KCNIP4: variants seen among roughly 807,000 people sequenced by gnomAD.
KCNIP4 encodes the protein Kv channel-interacting protein 4.
Under a neutral mutation model 34.0 loss-of-function variants are expected in KCNIP4, and 12 were observed. The observed-to-expected ratio is 0.35, with a 90% CI of 0.23 to 0.57. The LOEUF (loss-of-function observed/expected upper bound fraction) is 0.57, where lower values mean the gene tolerates loss of function less well. Among genes scored for constraint, KCNIP4 ranks in the 20% least tolerant of loss-of-function variants. KCNIP4 has a pLI of 0.83. For synonymous variants in KCNIP4, 124 were observed against 102.2 expected, an observed-to-expected ratio of 1.21 and a Z score of -1.29; for missense variants, 238 against 311.7, an observed-to-expected ratio of 0.76 and a Z score of 1.78.
intron 3 of KCNIP4, among the ~76,000 whole-genome samples, chr4:20,769,047 A>G (rs1755648740): frequency 6.7e-6 from 1 of 149,748 alleles, no homozygotes; most frequent in South Asian, 2.2e-4. Flanking sequence ...CATATGGAAG[A>G]AGGAAATCAC....
intron 1 of KCNIP4, among the ~76,000 whole-genome samples, chr4:20,984,398 C>T (rs1447936990): frequency 2.0e-5 from 3 of 152,168 alleles, no homozygotes; most frequent in East Asian, 3.9e-4. Context: ...GCGAATGGCC[C>T]CTTTTTGCCA....
chr4:21,739,407 T>C (rs1210095363), intron 1 of KCNIP4, among the ~76,000 whole-genome samples: 2 of 152,104 alleles, frequency 1.3e-5, no homozygotes, highest in African/African-American at 2.4e-5. Context: ...ATTGAATCTA[T>C]GTTTCAAAAA....
At chr4:20,810,257 C>CT (rs1560482203) in intron 3 of KCNIP4, among the ~76,000 whole-genome samples, 2 of 152,172 alleles carry the variant, frequency 1.3e-5, no homozygotes, top group Admixed American at 6.5e-5. Flanking sequence ...TTGGACCAGT[C>CT]TTTTTGTCCT....
intron 1 of KCNIP4, among the ~76,000 whole-genome samples, chr4:21,816,781 A>C (rs912713462): frequency 6.6e-6 from 1 of 152,124 alleles, no homozygotes; most frequent in African/African-American, 2.4e-5. Context: ...TGACTTTTAA[A>C]TCAGGTAGCA....
intron 1 of KCNIP4, among the ~76,000 whole-genome samples, chr4:21,733,772 C>T (rs1715785626): frequency 6.6e-6 from 1 of 152,114 alleles, no homozygotes; most frequent in Non-Finnish European, 1.5e-5. Flanking sequence ...ATAGCAGTAT[C>T]TTAAAATGGG....
chr4:21,808,293 C>G (rs2323112), intron 1 of KCNIP4, among the ~76,000 whole-genome samples: 1 of 152,230 alleles, frequency 6.6e-6, no homozygotes, highest in South Asian at 2.1e-4. Flanking sequence ...GATTTTCTTC[C>G]TCTTCTGCCA....
intron 1 of KCNIP4, among the ~76,000 whole-genome samples, chr4:21,772,515 G>C (rs927895284): frequency 2.2e-4 from 34 of 152,102 alleles, no homozygotes; most frequent in Non-Finnish European, 3.4e-4. Flanking sequence ...GCTCCTCTTT[G>C]TGTTTCTGGT....
chr4:21,859,330 T>C (rs927052935), intron 1 of KCNIP4, among the ~76,000 whole-genome samples: 2 of 152,064 alleles, frequency 1.3e-5, no homozygotes, highest in African/African-American at 4.8e-5. Flanking sequence ...CTGGCTTAAC[T>C]GGCCTGTAAG....
intron 1 of KCNIP4, among the ~76,000 whole-genome samples, chr4:21,031,796 A>G (rs1054869493): frequency 6.6e-6 from 1 of 152,340 alleles, no homozygotes. Context: ...GGCCAACTCT[A>G]CATCGCTAGC....
chr4:21,816,369 C>T (rs1560735582), intron 1 of KCNIP4, among the ~76,000 whole-genome samples: 2 of 152,096 alleles, frequency 1.3e-5, no homozygotes, highest in African/African-American at 4.8e-5. Context: ...TATAACTCAT[C>T]TTTGTAAGGG....
chr4:21,479,639 C>T (rs1052518418), intron 1 of KCNIP4, among the ~76,000 whole-genome samples: 2 of 151,954 alleles, frequency 1.3e-5, no homozygotes, highest in African/African-American at 4.8e-5. Flanking sequence ...AAACAAAAAT[C>T]AGGTAAAATA....
intron 1 of KCNIP4, among the ~76,000 whole-genome samples, chr4:21,072,100 C>T (rs1279096735): frequency 6.6e-6 from 1 of 152,160 alleles, no homozygotes. Context: ...CCGCAATAAA[C>T]ATATGTGGGC....
At chr4:21,849,129 GA>G (rs1173954431) in intron 1 of KCNIP4, 1 of 152,104 alleles carries the variant, frequency 6.6e-6, no homozygotes, top group Non-Finnish European at 1.5e-5. Context: ...CATTTGCAAT[GA>G]AAATATTCAT....
chr4:21,082,086 T>G (rs1215892982), intron 1 of KCNIP4, among the ~76,000 whole-genome samples: 4 of 151,942 alleles, frequency 2.6e-5, no homozygotes, highest in Admixed American at 2.6e-4. Context: ...ATCCTGCTAA[T>G]GCAGAACCTG....
chr4:20,831,284 G>T (rs1417880240), intron 3 of KCNIP4, among the ~76,000 whole-genome samples: 1 of 152,136 alleles, frequency 6.6e-6, no homozygotes, highest in Non-Finnish European at 1.5e-5. Flanking sequence ...TAAGGAAATT[G>T]AGGTCCAGGG....
At chr4:21,891,590 A>G (rs1283957049) in intron 1 of KCNIP4, among the ~76,000 whole-genome samples, 1 of 152,068 alleles carries the variant, frequency 6.6e-6, no homozygotes, top group Non-Finnish European at 1.5e-5. Flanking sequence ...GGAATGGAAG[A>G]CCTGTCTAAG....
At chr4:21,421,427 A>G (rs1331287025) in intron 1 of KCNIP4, among the ~76,000 whole-genome samples, 1 of 152,220 alleles carries the variant, frequency 6.6e-6, no homozygotes, top group Admixed American at 6.5e-5. Context: ...ACACAATGCA[A>G]TATTACTGAG....
chr4:20,906,628 A>C (rs1359513561), intron 1 of KCNIP4, among the ~76,000 whole-genome samples: 1 of 152,078 alleles, frequency 6.6e-6, no homozygotes, highest in Admixed American at 6.6e-5. Context: ...ACCTCCTCAA[A>C]TGTCCCTATC....
chr4:21,733,455 C>G (rs1577916781), intron 1 of KCNIP4, among the ~76,000 whole-genome samples: 2 of 152,210 alleles, frequency 1.3e-5, no homozygotes, highest in Middle Eastern at 6.8e-3. Flanking sequence ...ATATACGCAC[C>G]ATGGCACAAG....
Sources: allele counts gnomAD v4.1 joint callset (sites outside exome capture counted in the v4.1 genomes callset), GRCh38; gene constraint gnomAD v4.1.1; transcripts MANE v1.5; gene names NCBI Gene and HGNC (gene_info 2026-07-23, HGNC 2026-07-21).